Variants in CNPY1 observed in about 807,000 individuals in gnomAD.
CNPY1 encodes protein canopy homolog 1.
CNPY1 carries 14 observed loss-of-function variants against 14.4 expected under a neutral mutation model. That is an observed-to-expected ratio of 0.97 (90% confidence interval 0.64 to 1.52). The LOEUF is 1.52. Among genes scored for constraint, CNPY1 ranks in the 40% most tolerant of loss-of-function variants. The probability of loss-of-function intolerance (pLI) is 0.00; values close to 1 mark genes in which losing one functional copy is unlikely to be tolerated. For synonymous variants in CNPY1, 43 were observed against 46.5 expected, an observed-to-expected ratio of 0.92 and a Z score of 0.31; for missense variants, 129 against 131.5, an observed-to-expected ratio of 0.98 and a Z score of 0.09.
chr7:155,513,682 T>C (rs1559548), intron 2 of CNPY1, among the ~76,000 whole-genome samples: 38,772 of 151,664 alleles, frequency 0.26, 5,512 homozygotes, highest in East Asian at 0.45. Flanking sequence ...TTCATTTTTC[T>C]TTTTAATTTC....
At chr7:155,508,445 C>T (rs1168185186) in intron 3 of CNPY1, among the ~76,000 whole-genome samples, 2 of 152,178 alleles carry the variant, frequency 1.3e-5, no homozygotes, top group African/African-American at 2.4e-5. Flanking sequence ...TATTTGAAAG[C>T]GGCATTCGTT....
rs189675282 is a variant in CNPY1, at chr7:155,537,717, G to A, written c.99+8114C>T. Among the ~76,000 whole-genome samples the A allele has an allele frequency of 2.8e-3, 427 of 152,138 alleles. 4 individuals carry two copies. Among genetic ancestry groups the A allele is most frequent in the Non-Finnish European group, 2.4e-3 (165 of 67,998 alleles). The stretch of plus-strand genomic sequence containing the variant: ...CGGGATTACAAGCATGAGTCACTGC[G>A]TCCAGCCTCTGTTGAATATTTTATA... On this transcript the variant is annotated intron_variant, in intron 2 of 4. Coordinates refer to ENST00000636446, the MANE Select transcript of CNPY1 (RefSeq NM_001393663.1).
intron 2 of CNPY1, among the ~76,000 whole-genome samples, chr7:155,509,950 C>A (rs1382887086): frequency 1.3e-5 from 2 of 152,320 alleles, no homozygotes; most frequent in African/African-American, 2.4e-5. Context: ...GCGGCGTCCC[C>A]GCGGCTCCTT....
At chr7:155,531,213 C>T (rs998889121) in intron 2 of CNPY1, among the ~76,000 whole-genome samples, 4 of 152,202 alleles carry the variant, frequency 2.6e-5, no homozygotes, top group African/African-American at 7.2e-5. Context: ...GTGCTGCAAA[C>T]GGTGTGACCA....
intron 2 of CNPY1, among the ~76,000 whole-genome samples, chr7:155,543,268 TC>T (rs1797122459): frequency 6.6e-6 from 1 of 152,150 alleles, no homozygotes; most frequent in Non-Finnish European, 1.5e-5. Flanking sequence ...GAGACCCCTC[TC>T]ATTTGGCAGC....
At chr7:155,514,036 T>C (rs776938193) in intron 2 of CNPY1, among the ~76,000 whole-genome samples, 5 of 152,238 alleles carry the variant, frequency 3.3e-5, no homozygotes, top group Non-Finnish European at 5.9e-5. Flanking sequence ...CTGCACCTCT[T>C]GGCTGTGCCC....
At chr7:155,521,965 C>A (rs1181016581) in intron 2 of CNPY1, among the ~76,000 whole-genome samples, 6 of 152,258 alleles carry the variant, frequency 3.9e-5, no homozygotes, top group African/African-American at 1.4e-4. Flanking sequence ...ACTGCTCATG[C>A]CCCTGCCAAA....
At chr7:155,520,323 G>A (rs1002036640) in intron 2 of CNPY1, among the ~76,000 whole-genome samples, 1 of 151,952 alleles carries the variant, frequency 6.6e-6, no homozygotes, top group Non-Finnish European at 1.5e-5. Flanking sequence ...TGTGAGCTTC[G>A]TTGTGCCGGC....
intron 2 of CNPY1, among the ~76,000 whole-genome samples, chr7:155,537,349 G>A (rs762244590): frequency 1.3e-5 from 2 of 151,952 alleles, no homozygotes; most frequent in African/African-American, 4.8e-5. Context: ...CAGGGCCAGT[G>A]ACACCACCAG....
chr7:155,506,796 G>C (rs960501197), intron 4 of CNPY1: 1 of 505,988 alleles, frequency 2.0e-6, no homozygotes, highest in African/African-American at 2.0e-5. Flanking sequence ...TTAATATATA[G>C]AGGAAAGAAA....
rs760617343 is a variant in CNPY1, at chr7:155,508,937, T to A, written c.260A>T (p.Lys87Ile). The change falls in exon 3 of 5, where the codon AAA becomes ATA. Residue 87 changes from lysine (K) to isoleucine (I), a missense_variant. Lys to Ile is a moderately radical substitution (Grantham distance 102). Transcript: ENST00000636446. ...GTAAGCATCAGAATAAAAATACAAT[T>A]TTTTAAATTCTTGGTATATTTTGTC... ...KGDKIYQEFK[K>I]LYFYSDAYRP... 6.2e-7 allele frequency: 1 copy of A among 1,613,738 alleles called. No homozygotes were observed. The highest frequency in any genetic ancestry group is 8.5e-7 in the Non-Finnish European group (1 of 1,179,872).
intron 2 of CNPY1, among the ~76,000 whole-genome samples, chr7:155,509,327 T>C (rs1796444514): frequency 6.6e-6 from 1 of 152,198 alleles, no homozygotes. Flanking sequence ...AGTGCATATA[T>C]TTCAAAGTGG....
At chr7:155,520,285 C>A (rs1037753381) in intron 2 of CNPY1, among the ~76,000 whole-genome samples, 1 of 152,136 alleles carries the variant, frequency 6.6e-6, no homozygotes, top group Admixed American at 6.5e-5. Context: ...CACTTGGAGG[C>A]GAGAGCCCAT....
At chr7:155,537,510 G>C (rs531576115) in intron 2 of CNPY1, among the ~76,000 whole-genome samples, 1 of 148,816 alleles carries the variant, frequency 6.7e-6, no homozygotes, top group African/African-American at 2.5e-5. Context: ...TGCAACCTCC[G>C]CCTCCTGGAT....
At chr7:155,519,566 A>C (rs187079151) in intron 2 of CNPY1, among the ~76,000 whole-genome samples, 1 of 132,730 alleles carries the variant, frequency 7.5e-6, no homozygotes, top group Admixed American at 7.2e-5. Flanking sequence ...AATAAATAAG[A>C]AAGAAAGAAG....
At chr7:155,522,727 C>T (rs1287072195) in intron 2 of CNPY1, among the ~76,000 whole-genome samples, 1 of 152,228 alleles carries the variant, frequency 6.6e-6, no homozygotes, top group Non-Finnish European at 1.5e-5. Context: ...CCACCATGCA[C>T]ACTCCCCTGG....
At position 155,507,038 on chromosome 7, in the gene CNPY1, G is replaced by A; in HGVS notation, c.382C>T (p.Leu128=). The change falls in exon 4 of 5, where the codon CTG becomes TTG. Residue 128 remains leucine (L), a synonymous_variant. Transcript: ENST00000636446. The part of the protein sequence containing the change: ...AQETHYLADK[L]CSEKSDLCET... ...ACAGTACCTGATTTTTCACTGCACA[G>A]CTTGTCAGCTAGATAGTGTGTCTCC... 6.2e-7 allele frequency: 1 copy of A among 1,610,464 alleles called. No homozygotes were observed. Among genetic ancestry groups the A allele is most frequent in the East Asian group, 2.2e-5 (1 of 44,806 alleles).
intron 2 of CNPY1, among the ~76,000 whole-genome samples, chr7:155,542,308 C>T (rs930582071): frequency 4.6e-5 from 7 of 151,624 alleles, no homozygotes; most frequent in East Asian, 1.9e-4. Flanking sequence ...CCCGGACCTA[C>T]GGGTCTGGGA....
intron 2 of CNPY1, among the ~76,000 whole-genome samples, chr7:155,538,022 A>C (rs1161202775): frequency 1.3e-5 from 2 of 152,344 alleles, no homozygotes; most frequent in Non-Finnish European, 2.9e-5. Flanking sequence ...TGCAGTGAAC[A>C]GACACAGACA....
Sources: allele counts gnomAD v4.1 joint callset (sites outside exome capture counted in the v4.1 genomes callset), GRCh38; gene constraint gnomAD v4.1.1; transcripts MANE v1.5; gene names NCBI Gene and HGNC (gene_info 2026-07-23, HGNC 2026-07-21).